The following ARHGAP15 variants were observed in gnomAD, a reference collection of about 807,000 sequenced individuals.
ARHGAP15 encodes Rho GTPase activating protein 15.
ARHGAP15 carries 51 observed loss-of-function variants against 63.7 expected under a neutral mutation model. The ratio of observed to expected loss-of-function variants is 0.80; its 90% CI spans 0.64 to 1.01. The LOEUF is 1.01. Among genes scored for constraint, ARHGAP15 ranks in the 50% least tolerant of loss-of-function variants. ARHGAP15 has a pLI of 0.00. For missense variants in ARHGAP15, 560 were observed against 564.6 expected (o/e 0.99, Z 0.08); for synonymous variants, 191 against 193.8 (o/e 0.99, Z 0.12).
intron 1 of ARHGAP15, among the ~76,000 whole-genome samples, 176 bp from the exon 2 acceptor site, chr2:143,155,301 G>A (rs1444624704): frequency 6.6e-6 from 1 of 151,774 alleles, no homozygotes; most frequent in Non-Finnish European, 1.5e-5. Flanking sequence ...ACATGTAAAG[G>A]TCCCAACTGA....
At chr2:143,482,010 G>A (rs1429831883) in intron 8 of ARHGAP15, among the ~76,000 whole-genome samples, 1 of 152,116 alleles carries the variant, frequency 6.6e-6, no homozygotes, top group African/African-American at 2.4e-5. Context: ...CATTCTATTT[G>A]TTCAGGCTTG....
At chr2:143,275,512 T>C (rs1279977756) in intron 6 of ARHGAP15, among the ~76,000 whole-genome samples, 2 of 152,226 alleles carry the variant, frequency 1.3e-5, no homozygotes, top group Admixed American at 6.5e-5. Flanking sequence ...AATTAACTAT[T>C]TGATGAGCTG....
At chr2:143,205,145 C>T (rs372840735) in intron 3 of ARHGAP15, among the ~76,000 whole-genome samples, 2 of 151,028 alleles carry the variant, frequency 1.3e-5, no homozygotes, top group South Asian at 4.2e-4. Flanking sequence ...AAATTAGCCA[C>T]GTGTGGTGGC....
intron 6 of ARHGAP15, among the ~76,000 whole-genome samples, chr2:143,426,721 A>G (rs957028388): frequency 2.0e-5 from 3 of 152,192 alleles, no homozygotes; most frequent in Non-Finnish European, 4.4e-5. Context: ...CGAGTCCCCA[A>G]GATCACAGAG....
chr2:143,425,471 A>T (rs913070496), intron 6 of ARHGAP15, among the ~76,000 whole-genome samples: 1 of 151,944 alleles, frequency 6.6e-6, no homozygotes, highest in African/African-American at 2.4e-5. Context: ...TGATATACCT[A>T]TATATCATAT....
At chr2:143,319,581 T>C (rs1558889662) in intron 6 of ARHGAP15, among the ~76,000 whole-genome samples, 1 of 152,202 alleles carries the variant, frequency 6.6e-6, no homozygotes, top group East Asian at 1.9e-4. Flanking sequence ...TATGTTCCCA[T>C]ATTCTGTGCT....
intron 12 of ARHGAP15, among the ~76,000 whole-genome samples, chr2:143,661,432 CAAT>C (rs1190488752): frequency 1.8e-4 from 27 of 152,018 alleles, no homozygotes; most frequent in African/African-American, 5.5e-4. Context: ...CAATTAATGT[CAAT>C]TATGAATAGA....
chr2:143,414,591 C>T (rs536402560), intron 6 of ARHGAP15, among the ~76,000 whole-genome samples: 215 of 152,068 alleles, frequency 1.4e-3, no homozygotes, highest in African/African-American at 5.1e-3. Context: ...ATTACCAAAC[C>T]TTCAAAGACC....
In ARHGAP15 at chr2:143,562,821, G is replaced by A. The variant is rs557220713; in HGVS notation, c.1003+6336G>A. 2.6e-5 allele frequency among the ~76,000 whole-genome samples: 4 copies of A among 152,286 alleles called. No homozygotes were observed. In the East Asian group the frequency reaches 5.8e-4, roughly 22 times the overall value. On this transcript the variant is annotated intron_variant, in intron 11 of 13. Coordinates refer to ENST00000295095, the MANE Select transcript of ARHGAP15 (RefSeq NM_018460.4). ...TTAGTAAATAATGCTGAACACAGAG[G>A]TCAAAAGAGTAAGTTATTCATGTTC...
At chr2:143,176,846 T>C (rs533071610) in intron 2 of ARHGAP15, among the ~76,000 whole-genome samples, 13 of 152,266 alleles carry the variant, frequency 8.5e-5, no homozygotes, top group Non-Finnish European at 1.2e-4. Context: ...TGAAAGCTAA[T>C]GCTATTGTTT....
intron 1 of ARHGAP15, among the ~76,000 whole-genome samples, chr2:143,134,130 TCTATCTATCTATCTATCTATCTAC>T (rs1333136551): frequency 0.021 from 699 of 33,050 alleles, 3 homozygotes; most frequent in African/African-American, 0.039. Context: ...TATCTATCTA[TCTATCTATCTATCTATCTATCTAC>T]CTATCTATCT....
intron 2 of ARHGAP15, among the ~76,000 whole-genome samples, chr2:143,194,950 A>T (rs1691831487): frequency 6.6e-6 from 1 of 152,180 alleles, no homozygotes; most frequent in Non-Finnish European, 1.5e-5. Context: ...GCTATCTGGG[A>T]TATAGGAAAA....
chr2:143,209,302 T>G (rs1167553326), intron 3 of ARHGAP15, among the ~76,000 whole-genome samples: 1 of 152,140 alleles, frequency 6.6e-6, no homozygotes, highest in Non-Finnish European at 1.5e-5. Context: ...AATAATAAGT[T>G]ATATAATTTA....
Position 143,300,624 on chromosome 2 carries a change from T to G in ARHGAP15, c.474+50024T>G, listed in dbSNP as rs79295559. ...ACCCTGGTACCTTGCATTCTGTGGC[T>G]ATGCTTCCTCCTGAGGCCTCATCCT... is the stretch of plus-strand genomic sequence containing the variant. On this transcript the variant is annotated intron_variant, in intron 6 of 13. Coordinates refer to ENST00000295095, the MANE Select transcript of ARHGAP15 (RefSeq NM_018460.4). Among the ~76,000 whole-genome samples, 203 of 152,188 alleles carry G rather than the reference T, an allele frequency of 1.3e-3. 2 individuals are homozygous for G. The highest frequency in any genetic ancestry group is 2.3e-3 in the Non-Finnish European group (159 of 67,976).
intron 6 of ARHGAP15, among the ~76,000 whole-genome samples, chr2:143,361,036 A>C (rs1686029653): frequency 1.3e-5 from 2 of 152,290 alleles, no homozygotes; most frequent in South Asian, 4.1e-4. Context: ...TTACCACCAG[A>C]AATGCCATTG....
chr2:143,157,563 A>T (rs1053913483), intron 2 of ARHGAP15, among the ~76,000 whole-genome samples: 1 of 151,814 alleles, frequency 6.6e-6, no homozygotes, highest in Non-Finnish European at 1.5e-5. Context: ...GAACAAAAAT[A>T]AAAGTTACTT....
intron 8 of ARHGAP15, among the ~76,000 whole-genome samples, chr2:143,470,014 C>T (rs1049162609): frequency 2.6e-5 from 4 of 151,628 alleles, no homozygotes; most frequent in Admixed American, 6.6e-5. Flanking sequence ...TTCTCTTTAT[C>T]ATCCTCATCC....
chr2:143,163,847 T>C (rs1690395000), intron 2 of ARHGAP15, among the ~76,000 whole-genome samples: 1 of 152,044 alleles, frequency 6.6e-6, no homozygotes, highest in Non-Finnish European at 1.5e-5. Context: ...TGTCTAAAAA[T>C]GACACCTTCG....
intron 13 of ARHGAP15, chr2:143,741,354 TG>T (rs1685956141): frequency 6.6e-6 from 1 of 152,238 alleles, no homozygotes; most frequent in Non-Finnish European, 1.5e-5. Context: ...TTCAAAAACT[TG>T]GCTTGATCTT....
Sources: allele counts gnomAD v4.1 joint callset (sites outside exome capture counted in the v4.1 genomes callset), GRCh38; gene constraint gnomAD v4.1.1; transcripts MANE v1.5; gene names NCBI Gene and HGNC (gene_info 2026-07-23, HGNC 2026-07-21).